The following SAMD4A variants were observed in gnomAD, a reference collection of about 807,000 sequenced individuals.
SAMD4A encodes the protein protein Smaug homolog 1.
Under a neutral mutation model 81.3 loss-of-function variants are expected in SAMD4A, and 33 were observed. The observed-to-expected ratio is 0.41, with a 90% CI of 0.31 to 0.54. The LOEUF (loss-of-function observed/expected upper bound fraction) is 0.54, where lower values mean the gene tolerates loss of function less well. Ranked by LOEUF, SAMD4A falls within the 20% of genes least tolerant of loss-of-function variation. The pLI is 0.37. For missense variants in SAMD4A, 854 were observed against 951.1 expected (o/e 0.90, Z 1.34); for synonymous variants, 389 against 382.1 (o/e 1.02, Z -0.21).
At chr14:54,613,166 A>AG (rs2034405841) in intron 2 of SAMD4A, among the ~76,000 whole-genome samples, 2 of 148,396 alleles carry the variant, frequency 1.3e-5, no homozygotes, top group Non-Finnish European at 1.5e-5. Context: ...GGAAGAGGGA[A>AG]AGGGAAAAGG....
At chr14:54,780,260 C>T (rs2038966556) in intron 11 of SAMD4A, among the ~76,000 whole-genome samples, 1 of 152,182 alleles carries the variant, frequency 6.6e-6, no homozygotes, top group African/African-American at 2.4e-5. Context: ...TGAGCTGGGT[C>T]CAGTGGCACC....
intron 8 of SAMD4A, 115 bp from the exon 9 acceptor site, chr14:54,769,989 C>T: frequency 1.4e-6 from 1 of 696,870 alleles, no homozygotes; most frequent in Non-Finnish European, 2.5e-6. Flanking sequence ...AGGTTAGAAA[C>T]AGGTGAAGAA....
At chr14:54,729,153 G>A (rs1231083575) in intron 3 of SAMD4A, among the ~76,000 whole-genome samples, 1 of 152,072 alleles carries the variant, frequency 6.6e-6, no homozygotes, top group Non-Finnish European at 1.5e-5. Context: ...GCTCTGAGAG[G>A]GTCTTGGTGG....
intron 2 of SAMD4A, among the ~76,000 whole-genome samples, chr14:54,638,305 A>G (rs2035085251): frequency 6.6e-6 from 1 of 152,174 alleles, no homozygotes; most frequent in Admixed American, 6.5e-5. Context: ...GATGTTTCCC[A>G]TAAACGTTGC....
At chr14:54,785,148 C>CT (rs2039103588) in intron 12 of SAMD4A, among the ~76,000 whole-genome samples, 1 of 152,260 alleles carries the variant, frequency 6.6e-6, no homozygotes, top group Non-Finnish European at 1.5e-5. Context: ...TTCTTGACAC[C>CT]TGGAGCCCAA....
At chr14:54,576,707 T>C (rs2033308628) in intron 2 of SAMD4A, among the ~76,000 whole-genome samples, 1 of 152,206 alleles carries the variant, frequency 6.6e-6, no homozygotes, top group Non-Finnish European at 1.5e-5. Flanking sequence ...GAATCCCATA[T>C]CTAAGTTTCA....
chr14:54,674,172 C>T (rs1358047815), intron 2 of SAMD4A, among the ~76,000 whole-genome samples: 4 of 152,180 alleles, frequency 2.6e-5, no homozygotes, highest in East Asian at 3.9e-4. Context: ...GGCCTAGGTC[C>T]CTGCAGAGTC....
intron 3 of SAMD4A, among the ~76,000 whole-genome samples, chr14:54,717,417 G>T (rs1391595213): frequency 6.1e-5 from 9 of 148,026 alleles, no homozygotes; most frequent in Admixed American, 3.4e-4. Flanking sequence ...CTCCAGCCTG[G>T]ACTACAGAGC....
At chr14:54,764,811 G>A (rs965139770) in intron 8 of SAMD4A, among the ~76,000 whole-genome samples, 20 of 152,312 alleles carry the variant, frequency 1.3e-4, no homozygotes, top group South Asian at 2.1e-4. Context: ...AGCAGCCCCG[G>A]GTGGCCAAGC....
At chr14:54,758,825 G>A (rs2038314504) in intron 6 of SAMD4A, among the ~76,000 whole-genome samples, 1 of 151,536 alleles carries the variant, frequency 6.6e-6, no homozygotes, top group Non-Finnish European at 1.5e-5. Flanking sequence ...GTAAGACTCT[G>A]TCTCCAAAAA....
At chr14:54,645,020 G>C (rs2035257247) in intron 2 of SAMD4A, among the ~76,000 whole-genome samples, 1 of 152,210 alleles carries the variant, frequency 6.6e-6, no homozygotes, top group Admixed American at 6.5e-5. Context: ...GTTCTTAAGT[G>C]ACATTCAGTG....
At chr14:54,612,215 C>T (rs2034375000) in intron 2 of SAMD4A, among the ~76,000 whole-genome samples, 1 of 152,026 alleles carries the variant, frequency 6.6e-6, no homozygotes, top group African/African-American at 2.4e-5. Flanking sequence ...AAAGCCTTTC[C>T]ATTTTGGTTT....
At chr14:54,757,383 T>TTGTGTGTGTGTGTGTGTGTG (rs3051653) in intron 6 of SAMD4A, among the ~76,000 whole-genome samples, 4 of 140,158 alleles carry the variant, frequency 2.9e-5, no homozygotes, top group African/African-American at 1.1e-4. Flanking sequence ...GTTTCTTTAT[T>TTGTGTGTGTGTGTGTGTGTG]TGTGTGTGTG....
chr14:54,782,000 G>T (rs34163876), intron 11 of SAMD4A, among the ~76,000 whole-genome samples: 2 of 152,172 alleles, frequency 1.3e-5, no homozygotes, highest in Non-Finnish European at 2.9e-5. Context: ...GAGTGTTGGG[G>T]GTCACGGCTC....
At chr14:54,750,267 A>T (rs1452200024) in intron 5 of SAMD4A, among the ~76,000 whole-genome samples, 5 of 152,214 alleles carry the variant, frequency 3.3e-5, no homozygotes, top group Non-Finnish European at 5.9e-5. Context: ...AAACAGAAAT[A>T]TACCCCCAGT....
intron 2 of SAMD4A, among the ~76,000 whole-genome samples, chr14:54,594,074 A>G (rs1179597270): frequency 6.6e-6 from 1 of 152,212 alleles, no homozygotes. Flanking sequence ...GAAGTAAAAC[A>G]TGATTGCTAT....
intron 2 of SAMD4A, among the ~76,000 whole-genome samples, chr14:54,633,819 A>T (rs1167906002): frequency 2.0e-5 from 3 of 152,218 alleles, no homozygotes; most frequent in African/African-American, 7.2e-5. Context: ...TTATGAATAT[A>T]TCACTTAACA....
At chr14:54,742,343 G>T (rs1003791723) in intron 4 of SAMD4A, among the ~76,000 whole-genome samples, 4 of 152,158 alleles carry the variant, frequency 2.6e-5, no homozygotes, top group South Asian at 4.2e-4. Flanking sequence ...AAATAGAATG[G>T]GGGGGGCAGC....
chr14:54,643,927 G>A (rs1278869777), intron 2 of SAMD4A, among the ~76,000 whole-genome samples: 11 of 152,170 alleles, frequency 7.2e-5, no homozygotes, highest in Admixed American at 7.2e-4. Flanking sequence ...TAGGGCAGGT[G>A]GGAGAGAAGG....
Sources: gnomAD v4.1 joint callset for allele counts (sites outside exome capture counted in the v4.1 genomes callset) on GRCh38, gnomAD v4.1.1 for gene constraint, MANE v1.5 for transcripts, NCBI Gene and HGNC (gene_info 2026-07-23, HGNC 2026-07-21) for gene names.